GPC6: variants seen among roughly 807,000 people sequenced by gnomAD.
GPC6 encodes the protein glypican-6.
A neutral mutation model predicts 55.2 loss-of-function variants in GPC6; 14 were observed. That is an observed-to-expected ratio of 0.25 (90% CI 0.17 to 0.40). The LOEUF is 0.40. GPC6 is among the 10% of genes least tolerant of loss of function. GPC6 has a pLI of 1.00. For synonymous variants in GPC6, 278 were observed against 259.6 expected (o/e 1.07, Z -0.68); for missense variants, 641 against 708.5 (o/e 0.90, Z 1.08).
At chr13:94,106,848 G>A (rs1359052619) in intron 4 of GPC6, among the ~76,000 whole-genome samples, 2 of 152,110 alleles carry the variant, frequency 1.3e-5, no homozygotes, top group African/African-American at 4.8e-5. Context: ...AGATGGATAA[G>A]GAATAGGCTG....
intron 1 of GPC6, among the ~76,000 whole-genome samples, chr13:93,518,998 G>A (rs1418442394): frequency 6.6e-6 from 1 of 151,944 alleles, no homozygotes; most frequent in East Asian, 1.9e-4. Flanking sequence ...ATTGTGTATG[G>A]CTGCTGTCAT....
chr13:93,636,780 C>T lies in GPC6; in HGVS notation c.319+91359C>T, dbSNP rs148798013. 3.2e-3 allele frequency among the ~76,000 whole-genome samples: 487 copies of T among 152,266 alleles called. 3 individuals carry two copies. The highest frequency in any genetic ancestry group is 0.011 in the African/African-American group (470 of 41,568). Reference sequence around the variant, plus strand: ...GAGAGATAAATTATTACTGAGAACACATTTTTATTGTTTTAAGTCCCTGGG... The same window carrying T: ...GAGAGATAAATTATTACTGAGAACATATTTTTATTGTTTTAAGTCCCTGGG... On this transcript the variant is annotated intron_variant, in intron 2 of 8. Transcript: ENST00000377047.
At chr13:94,152,932 T>C (rs1172480007) in intron 4 of GPC6, among the ~76,000 whole-genome samples, 2 of 152,162 alleles carry the variant, frequency 1.3e-5, no homozygotes, top group Admixed American at 1.3e-4. Flanking sequence ...TTGAAATCTA[T>C]AAGATTTGTA....
At chr13:93,454,785 T>A (rs1878373650) in intron 1 of GPC6, among the ~76,000 whole-genome samples, 1 of 152,238 alleles carries the variant, frequency 6.6e-6, no homozygotes, top group Non-Finnish European at 1.5e-5. Context: ...GCCCTGCGCC[T>A]GCACTCCTCG....
intron 4 of GPC6, among the ~76,000 whole-genome samples, chr13:94,168,001 T>C (rs558496532): frequency 6.6e-6 from 1 of 152,360 alleles, no homozygotes; most frequent in Non-Finnish European, 1.5e-5. Flanking sequence ...CATAAAATGC[T>C]TATATAATAT....
chr13:94,382,599 C>T, intron 7 of GPC6, 49 bp downstream of exon 7: 1 of 1,610,890 alleles, frequency 6.2e-7, no homozygotes, highest in Non-Finnish European at 8.5e-7. Context: ...CACACCCAGC[C>T]TTGGAAGACT....
chr13:94,003,750 G>A (rs971614212), intron 3 of GPC6, among the ~76,000 whole-genome samples: 3 of 152,084 alleles, frequency 2.0e-5, no homozygotes, highest in Admixed American at 1.3e-4. Flanking sequence ...AGTTCAATCA[G>A]TTCTAATGAC....
chr13:93,826,879 A>G (rs918569012), intron 2 of GPC6, among the ~76,000 whole-genome samples: 9 of 152,126 alleles, frequency 5.9e-5, no homozygotes, highest in African/African-American at 2.2e-4. Context: ...TGCTTTTGCA[A>G]CAGTGGTGGT....
intron 1 of GPC6, among the ~76,000 whole-genome samples, chr13:93,337,566 C>A (rs1284959886): frequency 1.3e-5 from 2 of 151,702 alleles, no homozygotes; most frequent in Non-Finnish European, 2.9e-5. Flanking sequence ...GCCATATAGA[C>A]AGGATATGGT....
At chr13:94,304,802 C>T (rs890357174) in intron 5 of GPC6, among the ~76,000 whole-genome samples, 6 of 152,160 alleles carry the variant, frequency 3.9e-5, no homozygotes, top group African/African-American at 1.4e-4. Context: ...GTTTGATTTC[C>T]CATAGCAATC....
chr13:94,015,031 AT>A (rs1882405889), intron 3 of GPC6, among the ~76,000 whole-genome samples: 1 of 152,126 alleles, frequency 6.6e-6, no homozygotes, highest in African/African-American at 2.4e-5. Context: ...GTATATTTTC[AT>A]TTCTCTTGAG....
intron 1 of GPC6, among the ~76,000 whole-genome samples, chr13:93,270,980 G>A (rs561808450): frequency 9.8e-5 from 15 of 152,306 alleles, no homozygotes; most frequent in African/African-American, 2.2e-4. Context: ...ACTTGCACCC[G>A]TAGTTAATGG....
chr13:94,074,316 A>G (rs540533589), intron 4 of GPC6, among the ~76,000 whole-genome samples: 36 of 152,240 alleles, frequency 2.4e-4, no homozygotes, highest in Non-Finnish European at 4.7e-4. Context: ...TATGTGGTGT[A>G]AAATTTTCAG....
At position 94,398,531 on chromosome 13, in the gene GPC6, ACAT is replaced by A. The variant is rs749634567; in HGVS notation, c.1358_1360del (p.Ile453del). 1 of 1,613,712 alleles carries A rather than the reference ACAT, an allele frequency of 6.2e-7. No homozygotes were observed. The highest frequency in any genetic ancestry group is 1.7e-5 in the Admixed American group (1 of 60,026). On this transcript the variant is annotated inframe_deletion, in exon 8 of 9. Coordinates refer to ENST00000377047, the MANE Select transcript of GPC6 (RefSeq NM_005708.5). Reference sequence around the variant, plus strand: ...ATCAACAATCCCGAGGTGGATGTGGACATCACTCGGCCTGACACTTTCATCAGA... The same window carrying A: ...ATCAACAATCCCGAGGTGGATGTGGACACTCGGCCTGACACTTTCATCAGA...
intron 3 of GPC6, among the ~76,000 whole-genome samples, chr13:93,877,231 A>G (rs546837992): frequency 2.0e-5 from 3 of 152,160 alleles, no homozygotes; most frequent in Non-Finnish European, 4.4e-5. Context: ...ATACTACTAC[A>G]TATGGATACG....
chr13:94,102,197 A>G (rs1446540874), intron 4 of GPC6, among the ~76,000 whole-genome samples: 4 of 152,140 alleles, frequency 2.6e-5, no homozygotes, highest in Non-Finnish European at 5.9e-5. Flanking sequence ...TGGTAATTTT[A>G]AGTCACTTTC....
intron 2 of GPC6, among the ~76,000 whole-genome samples, chr13:93,826,493 T>A (rs182049788): frequency 2.0e-5 from 3 of 152,082 alleles, no homozygotes; most frequent in Non-Finnish European, 4.4e-5. Context: ...TTTAAGCAAG[T>A]TTTTAATAGG....
chr13:93,670,257 G>A (rs962864006), intron 2 of GPC6, among the ~76,000 whole-genome samples: 3 of 152,144 alleles, frequency 2.0e-5, no homozygotes, highest in Non-Finnish European at 4.4e-5. Context: ...ACTCTAGAAA[G>A]CCTCTTAAAA....
intron 1 of GPC6, among the ~76,000 whole-genome samples, chr13:93,397,853 G>A (rs1240647017): frequency 2.6e-5 from 4 of 151,282 alleles, no homozygotes; most frequent in African/African-American, 4.9e-5. Flanking sequence ...ATAATTATAT[G>A]GTATTTTATG....
Sources: allele counts gnomAD v4.1 joint callset (sites outside exome capture counted in the v4.1 genomes callset), GRCh38; gene constraint gnomAD v4.1.1; transcripts MANE v1.5; gene names NCBI Gene and HGNC (gene_info 2026-07-23, HGNC 2026-07-21).